The following SLC2A5 variants were observed in gnomAD, a reference collection of about 807,000 sequenced individuals.
SLC2A5 encodes the protein solute carrier family 2, facilitated glucose transporter member 5.
A neutral mutation model predicts 50.3 loss-of-function variants in SLC2A5; 56 were observed. The observed-to-expected ratio is 1.11, with a 90% CI of 0.90 to 1.39. SLC2A5 has a LOEUF of 1.39. SLC2A5 is among the 40% of genes most tolerant of loss of function. The probability of loss-of-function intolerance (pLI) is 0.00; values close to 1 mark genes in which losing one functional copy is unlikely to be tolerated. For missense variants in SLC2A5, 566 were observed against 650.1 expected (o/e 0.87, Z 1.41); for synonymous variants, 269 against 281.9 (o/e 0.95, Z 0.46).
At chr1:9,062,812 C>T (rs1354614216) in intron 1 of SLC2A5, among the ~76,000 whole-genome samples, 1 of 152,030 alleles carries the variant, frequency 6.6e-6, no homozygotes, top group Non-Finnish European at 1.5e-5. Flanking sequence ...ATGGAGGTTG[C>T]AGTGAGCCGA....
At position 9,036,472 on chromosome 1, in the gene SLC2A5, G is replaced by A. The variant is rs540381828; in HGVS notation, c.*1114C>T. On this transcript the variant is annotated 3_prime_UTR_variant, in exon 12 of 12. Transcript: ENST00000377424. ...ACCTCAGCCTCCAGAGGCCCTCTTC[G>A]AGATGCTGGGGATTCAGGCATAAAC... is the stretch of plus-strand genomic sequence containing the variant. The A allele has an allele frequency of 6.1e-4, 93 of 152,310 alleles. 1 individual carries two copies. The highest frequency in any genetic ancestry group is 2.1e-3 in the African/African-American group (87 of 41,528). 9.4% of individuals were successfully genotyped at this position (152,310 alleles called of 1,614,324 possible). A position where few individuals can be genotyped will look rare whatever the true frequency, so the allele number is the denominator to read the frequency against.
At chr1:9,060,551 C>T (rs77981519) in intron 1 of SLC2A5, among the ~76,000 whole-genome samples, 4,698 of 139,994 alleles carry the variant, frequency 0.034, 150 homozygotes, top group African/African-American at 0.08. Context: ...CACACATACC[C>T]CACACACACA....
At chr1:9,059,622 T>C (rs1641857007) in intron 1 of SLC2A5, among the ~76,000 whole-genome samples, 1 of 144,752 alleles carries the variant, frequency 6.9e-6, no homozygotes, top group Non-Finnish European at 1.5e-5. Flanking sequence ...CTCAACCTCC[T>C]GGGCTCAAGT....
chr1:9,076,340 C>A (rs1642283198), intron 2 of SLC2A5, among the ~76,000 whole-genome samples: 1 of 152,268 alleles, frequency 6.6e-6, no homozygotes, highest in Middle Eastern at 3.4e-3. Context: ...GAAGTTCCCC[C>A]AGGCGATGGA....
chr1:9,054,641 G>A (rs1434128781), intron 3 of SLC2A5, among the ~76,000 whole-genome samples: 2 of 152,110 alleles, frequency 1.3e-5, no homozygotes, highest in African/African-American at 2.4e-5. Context: ...AAATATAGAA[G>A]AGGCTAGGCG....
chr1:9,045,554 G>A (rs1184618459), intron 4 of SLC2A5, among the ~76,000 whole-genome samples: 1 of 152,164 alleles, frequency 6.6e-6, no homozygotes, highest in African/African-American at 2.4e-5. Context: ...TTTTCAAAAT[G>A]TTGAGCCCAC....
At chr1:9,091,447 A>C (rs539342265), upstream of SLC2A5, among the ~76,000 whole-genome samples, 4 of 152,318 alleles carry the variant, frequency 2.6e-5, no homozygotes, top group African/African-American at 9.6e-5. Flanking sequence ...AGCTTCAATA[A>C]TTACACACAA....
In SLC2A5 at chr1:9,081,661, A is replaced by G. The variant is rs147794686; in HGVS notation, c.-59+3353T>C. Among the ~76,000 whole-genome samples, 326 of 152,320 alleles carry G rather than the reference A, an allele frequency of 2.1e-3. 10 individuals carry two copies. The East Asian group carries it at 0.054, about 25-fold the overall frequency. On this transcript the variant is annotated intron_variant, in intron 2 of 5. Transcript: ENST00000464985. ...TATTTTCTCCAAAGAAGATATGCAA[A>G]TGACCAAGAAGCACATGAAAAGATA...
Position 9,038,032 on chromosome 1 carries a change from G to A in SLC2A5, c.1175-8C>T. ...GCAGCGCGGGTATGGGACCTGTAGG[G>A]GGAGGAGAGCAGCCTCCCTGAAGGC... On this transcript the variant is annotated splice_polypyrimidine_tract_variant and splice_region_variant and intron_variant, in intron 10 of 11. Coordinates refer to ENST00000377424, the MANE Select transcript of SLC2A5 (RefSeq NM_003039.3). 1 of 1,613,474 alleles carries A rather than the reference G, an allele frequency of 6.2e-7. No homozygotes were observed. The highest frequency in any genetic ancestry group is 8.5e-7 in the Non-Finnish European group (1 of 1,179,900).
chr1:9,055,777 G>A (rs1300607956), intron 3 of SLC2A5, among the ~76,000 whole-genome samples: 2 of 151,862 alleles, frequency 1.3e-5, no homozygotes, highest in South Asian at 2.1e-4. Flanking sequence ...TTAGCTGCGC[G>A]TGGTGGCAGA....
At chr1:9,079,463 A>G (rs1475194476) in intron 2 of SLC2A5, among the ~76,000 whole-genome samples, 1 of 152,064 alleles carries the variant, frequency 6.6e-6, no homozygotes. Flanking sequence ...CCCTGGATAG[A>G]CACTCCTCTT....
chr1:9,049,445 C>T (rs999444493), intron 3 of SLC2A5, among the ~76,000 whole-genome samples: 6 of 152,192 alleles, frequency 3.9e-5, no homozygotes, highest in Admixed American at 2.0e-4. Flanking sequence ...ACAAACAGGC[C>T]GGGCATGGTG....
Position 9,053,055 on chromosome 1 carries a change from A to AT in SLC2A5, c.293+4392dup, listed in dbSNP as rs1179283479. Among the ~76,000 whole-genome samples, 177 of 94,756 alleles carry AT rather than the reference A, an allele frequency of 1.9e-3. 1 individual carries two copies. The highest frequency in any genetic ancestry group is 6.9e-3 in the African/African-American group (168 of 24,240). The allele number at this position is 94,756 out of a possible 152,430, so 62.2% of individuals were successfully genotyped here. ...GTCTTACTCTATTATATATTAATATATAATATATATTATATATTTATATAT... is the reference window on the plus strand; with the variant it reads ...GTCTTACTCTATTATATATTAATATATTAATATATATTATATATTTATATAT... On this transcript the variant is annotated intron_variant, in intron 3 of 11. Coordinates refer to ENST00000377424, the MANE Select transcript of SLC2A5 (RefSeq NM_003039.3).
chr1:9,043,383 T>C (rs2124331166), intron 4 of SLC2A5, among the ~76,000 whole-genome samples: 1 of 152,254 alleles, frequency 6.6e-6, no homozygotes, highest in South Asian at 2.1e-4. Flanking sequence ...TTCTTCCTCA[T>C]TTGCAGAGCA....
upstream of SLC2A5, among the ~76,000 whole-genome samples, chr1:9,091,762 C>T (rs899253660): frequency 6.6e-6 from 1 of 152,186 alleles, no homozygotes; most frequent in Admixed American, 6.5e-5. Context: ...GGGAGCGCAT[C>T]AAAAAACCCT....
upstream of SLC2A5, among the ~76,000 whole-genome samples, chr1:9,092,799 A>T (rs1203685058): frequency 6.6e-6 from 1 of 152,124 alleles, no homozygotes; most frequent in Admixed American, 6.6e-5. Flanking sequence ...GAGCCCTACA[A>T]ATCACCTGGA....
chr1:9,041,648 C>T (rs764020650), intron 5 of SLC2A5, 137 bp downstream of exon 5: 2 of 1,534,148 alleles, frequency 1.3e-6, no homozygotes, highest in Middle Eastern at 1.7e-4. Context: ...AGGATGGGCC[C>T]CCCAAGGACA....
At chr1:9,060,578 C>G (rs1006735834) in intron 1 of SLC2A5, among the ~76,000 whole-genome samples, 7 of 127,148 alleles carry the variant, frequency 5.5e-5, no homozygotes, top group Non-Finnish European at 1.2e-4. Context: ...ACATACACAC[C>G]CACCCCCCAC....
chr1:9,068,449 CTTTTTTTTTTT>C (rs34032446), intron 1 of SLC2A5, among the ~76,000 whole-genome samples: 1 of 117,424 alleles, frequency 8.5e-6, no homozygotes, highest in African/African-American at 3.3e-5. Flanking sequence ...CAGGCCCACT[CTTTTTTTTTTT>C]TTTTTTTTGA....
Sources: gnomAD v4.1 joint callset for allele counts (sites outside exome capture counted in the v4.1 genomes callset) on GRCh38, gnomAD v4.1.1 for gene constraint, MANE v1.5 for transcripts, NCBI Gene and HGNC (gene_info 2026-07-23, HGNC 2026-07-21) for gene names.